The following EP400 variants were observed in gnomAD, a reference collection of about 807,000 sequenced individuals.
The protein encoded by EP400 is E1A binding protein p400.
In EP400, 105 loss-of-function variants were observed where a neutral mutation model predicts 354.1. That is an observed-to-expected ratio of 0.30 (90% CI 0.25 to 0.35). The LOEUF (loss-of-function observed/expected upper bound fraction) is 0.35, where lower values mean the gene tolerates loss of function less well. Among genes scored for constraint, EP400 ranks in the 10% least tolerant of loss-of-function variants. The pLI is 1.00. For missense variants in EP400, 3,280 were observed against 4,121.0 expected, an observed-to-expected ratio of 0.80 and a Z score of 5.59; for synonymous variants, 1,646 against 1,716.9, an observed-to-expected ratio of 0.96 and a Z score of 1.02.
In EP400 at chr12:132,028,117, G is replaced by C; in HGVS notation, c.5210G>C (p.Arg1737Thr). 6.2e-7 allele frequency: 1 copy of C among 1,614,220 alleles called. No homozygotes were observed. The highest frequency in any genetic ancestry group is 8.5e-7 in the Non-Finnish European group (1 of 1,180,026). Residue 1737 changes from arginine (R) to threonine (T), a missense_variant, in exon 27 of 53, where the codon AGG becomes ACG. Coordinates refer to ENST00000389561, the MANE Select transcript of EP400 (RefSeq NM_015409.5). ...QAPVYGRDLL[R>T]ICALPSHGRV... ...CCAGTCTATGGCAGAGACTTGCTAA[G>C]GATTTGTGCCCTGCCTAGCCATGGA...
intron 3 of EP400, 134 bp from the exon 4 acceptor site, chr12:131,981,355 A>G: frequency 1.5e-6 from 1 of 657,174 alleles, no homozygotes; most frequent in Non-Finnish European, 2.6e-6. Context: ...CTTATGTTTT[A>G]TGGCTTCTGG....
Position 132,045,859 on chromosome 12 carries a change from A to C in EP400, c.7159A>C (p.Asn2387His), listed in dbSNP as rs1007718844. The stretch of plus-strand genomic sequence containing the variant: ...CTACCGCTCTTCCAAACAGTGCCGG[A>C]ATCGCTACGAGAATGTCATCATTCC... ...RIYRSSKQCR[N>H]RYENVIIPRE... Residue 2387 changes from asparagine (N) to histidine (H), a missense_variant, in exon 39 of 53, where the codon AAT becomes CAT. Physicochemically the swap from Asn to His is moderately conservative, Grantham distance 68 (BLOSUM62 1). Transcript: ENST00000389561. 8 of 1,614,138 alleles carry C rather than the reference A, an allele frequency of 5.0e-6. No individual in the cohort carries two copies. Among genetic ancestry groups the C allele is most frequent in the African/African-American group, 2.7e-5 (2 of 74,944 alleles).
chr12:132,034,764 G>A (rs993032030), intron 30 of EP400, among the ~76,000 whole-genome samples: 1 of 152,330 alleles, frequency 6.6e-6, no homozygotes, highest in East Asian at 1.9e-4. Flanking sequence ...CTGCTCCCAC[G>A]CCTGACCATG....
rs543612274 is a variant in EP400, at chr12:131,971,366, A to G, written c.1336-8328A>G. ...ATAGTATTCCATGTGTATATACTAT[A>G]TTATCTGTTCATCTGTTGCTGGGCA... is the stretch of plus-strand genomic sequence containing the variant. On this transcript the variant is annotated intron_variant, in intron 2 of 52. Coordinates refer to ENST00000389561, the MANE Select transcript of EP400 (RefSeq NM_015409.5). 2.6e-5 allele frequency among the ~76,000 whole-genome samples: 4 copies of G among 152,278 alleles called. No individual in the cohort carries two copies. In the South Asian group the frequency reaches 6.2e-4, roughly 24 times the overall value.
intron 12 of EP400, among the ~76,000 whole-genome samples, chr12:132,001,073 G>A (rs757250159): frequency 1.3e-5 from 2 of 152,118 alleles, no homozygotes; most frequent in Admixed American, 6.5e-5. Context: ...CCACAGGGTC[G>A]GTGGGTTTCT....
chr12:131,956,979 C>T (rs1245783335), intron 1 of EP400, among the ~76,000 whole-genome samples: 6 of 146,478 alleles, frequency 4.1e-5, no homozygotes, highest in African/African-American at 1.5e-4. Context: ...TCAAGCAATT[C>T]TCCTGCCTCA....
chr12:132,059,860 CAAAA>C (rs1203429291), intron 45 of EP400, among the ~76,000 whole-genome samples: 3 of 139,824 alleles, frequency 2.1e-5, no homozygotes, highest in African/African-American at 7.9e-5. Context: ...ACAGAAAATA[CAAAA>C]AAAAAAAAAT....
chr12:131,960,564 G>A (rs1197905338), intron 1 of EP400, 21 bp from the exon 2 acceptor site: 5 of 1,518,598 alleles, frequency 3.3e-6, no homozygotes, highest in Non-Finnish European at 4.4e-6. Context: ...CAAGTGACTT[G>A]ATTTTAATTT....
Position 131,982,369 on chromosome 12 carries a change from C to G in EP400, c.1820C>G (p.Pro607Arg). ...CCCAATGTTCCCATCCCTGCACCGC[C>G]CAGCAGCCAACTCCCCATCCCTCCC... ...QQPNVPIPAPPSSQLPIPPSQ... is the reference protein window; with the variant it reads ...QQPNVPIPAPRSSQLPIPPSQ... Residue 607 changes from proline to arginine, a missense_variant, in exon 5 of 53, where the codon CCC (proline) becomes CGC (arginine). Physicochemically the swap from Pro to Arg is moderately radical, Grantham distance 103. Transcript: ENST00000389561. 6.2e-7 allele frequency: 1 copy of G among 1,614,210 alleles called. No homozygotes were observed. Among genetic ancestry groups the G allele is most frequent in the African/African-American group, 1.3e-5 (1 of 75,050 alleles).
chr12:132,043,287 A>C lies in EP400; in HGVS notation c.6208-17A>C, dbSNP rs1894976566. On this transcript the variant is annotated splice_polypyrimidine_tract_variant and intron_variant, in intron 32 of 52. Coordinates refer to ENST00000389561, the MANE Select transcript of EP400 (RefSeq NM_015409.5). ...TAAAAAGTCTATCAAGGCAATCTAA[A>C]CATAGACTTTCCTCAGGCCCTCAAG... is the stretch of plus-strand genomic sequence containing the variant. 6 of 1,602,580 alleles carry C rather than the reference A, an allele frequency of 3.7e-6. No homozygotes were observed. Among genetic ancestry groups the C allele is most frequent in the Non-Finnish European group, 5.1e-6 (6 of 1,175,876 alleles).
Position 132,017,489 on chromosome 12 carries a change from T to C in EP400, c.3924-46T>C, listed in dbSNP as rs748239973. 3 of 1,599,276 alleles carry C rather than the reference T, an allele frequency of 1.9e-6. No homozygotes were observed. The highest frequency in any genetic ancestry group is 2.6e-6 in the Non-Finnish European group (3 of 1,171,454). Reference sequence around the variant, plus strand: ...GATGGTGAGGGTGGGACTATGTCCATGTGCCGTTTGGATTGAATGCTTCGT... The same window carrying C: ...GATGGTGAGGGTGGGACTATGTCCACGTGCCGTTTGGATTGAATGCTTCGT... On this transcript the variant is annotated intron_variant, in intron 19 of 52. Coordinates refer to ENST00000389561, the MANE Select transcript of EP400 (RefSeq NM_015409.5). The surrounding 1 kb of genome is among the most constrained non-coding windows in gnomAD (Gnocchi z 5.0).
At position 132,069,596 on chromosome 12, in the gene EP400, G is replaced by A; in HGVS notation, c.8976G>A (p.Gln2992=). The A allele has an allele frequency of 1.9e-6, 3 of 1,614,238 alleles. No homozygotes were observed. The highest frequency in any genetic ancestry group is 1.7e-6 in the Non-Finnish European group (2 of 1,180,034). The change falls in exon 51 of 53, where the codon CAG becomes CAA. Residue 2992 remains glutamine, a synonymous_variant. Transcript: ENST00000389561. The stretch of plus-strand genomic sequence containing the variant: ...AGTTTCTTACCACACCCATCTCCCA[G>A]GCCCAGAAACTGGCCGGGGCCCAGC... ...KTQFLTTPIS[Q]AQKLAGAQQV... is the part of the protein sequence containing the mutation.
At chr12:132,039,669 G>T (rs1894832847) in intron 32 of EP400, among the ~76,000 whole-genome samples, 1 of 152,218 alleles carries the variant, frequency 6.6e-6, no homozygotes, top group African/African-American at 2.4e-5. Flanking sequence ...TATTACATAT[G>T]AGGAGGTATG....
At chr12:132,016,751 G>T (rs1300827263) in intron 19 of EP400, among the ~76,000 whole-genome samples, 1 of 152,162 alleles carries the variant, frequency 6.6e-6, no homozygotes, top group African/African-American at 2.4e-5. Flanking sequence ...AGCTCCTCAC[G>T]TCCGGCGTGG....
intron 30 of EP400, among the ~76,000 whole-genome samples, chr12:132,035,156 T>G (rs576972146): frequency 6.6e-6 from 1 of 152,294 alleles, no homozygotes; most frequent in Non-Finnish European, 1.5e-5. Context: ...CTCACTGGTC[T>G]GGAGAAGGAA....
chr12:131,999,407 A>G (rs181820258), intron 12 of EP400, among the ~76,000 whole-genome samples: 3 of 152,098 alleles, frequency 2.0e-5, no homozygotes, highest in East Asian at 1.9e-4. Context: ...GTTTGTATCT[A>G]TTCTTCAGTG....
At chr12:132,069,297 C>A in intron 50 of EP400, 198 bp from the exon 51 acceptor site, 1 of 682,010 alleles carries the variant, frequency 1.5e-6, no homozygotes, top group Non-Finnish European at 2.3e-6. Flanking sequence ...GGCGGCCATG[C>A]CGCATGGGCA....
In EP400 at chr12:132,069,506, G is replaced by A. The variant is rs1565936299; in HGVS notation, c.8886G>A (p.Gln2962=). The change falls in exon 51 of 53, where the codon CAG becomes CAA. Residue 2962 remains glutamine, a synonymous_variant. Coordinates refer to ENST00000389561, the MANE Select transcript of EP400 (RefSeq NM_015409.5). ...PAAVQQKITA[Q]QITTPGAQQK... ...CAGTCTCTCCCCAGATCACCGCACA[G>A]CAGATCACCACCCCTGGCGCGCAGC... The A allele has an allele frequency of 1.9e-6, 3 of 1,614,162 alleles. No individual in the cohort carries two copies. Among genetic ancestry groups the A allele is most frequent in the South Asian group, 1.1e-5 (1 of 91,090 alleles).
At chr12:132,033,403 G>A (rs375846027) in intron 30 of EP400, among the ~76,000 whole-genome samples, 5 of 152,222 alleles carry the variant, frequency 3.3e-5, no homozygotes, top group South Asian at 2.1e-4. Flanking sequence ...GTTGTGTGCC[G>A]AGCACATCCT....
Sources: gnomAD v4.1 joint callset for allele counts (sites outside exome capture counted in the v4.1 genomes callset) on GRCh38, gnomAD v4.1.1 for gene constraint, Gnocchi (gnomAD v3.1) non-coding constraint, MANE v1.5 for transcripts, NCBI Gene and HGNC (gene_info 2026-07-23, HGNC 2026-07-21) for gene names.